TP73: variants seen among roughly 807,000 people sequenced by gnomAD.
The protein encoded by TP73 is p53-like transcription factor.
A neutral mutation model predicts 62.5 loss-of-function variants in TP73; 25 were observed. The ratio of observed to expected loss-of-function variants is 0.40; its 90% CI spans 0.29 to 0.56. TP73 has a LOEUF of 0.56. Among genes scored for constraint, TP73 ranks in the 20% least tolerant of loss-of-function variants. The probability of loss-of-function intolerance (pLI) is 0.46; values close to 1 mark genes in which losing one functional copy is unlikely to be tolerated. For synonymous variants in TP73, 423 were observed against 377.5 expected (o/e 1.12, Z -1.40); for missense variants, 754 against 913.3 (o/e 0.83, Z 2.25).
chr1:3,735,065 C>T lies in TP73; in HGVS notation c.*1986C>T, dbSNP rs895994143. ...CGCAGCCACCCCAGCTGCATGTCAC[C>T]TCAGCTCTCCATCTTATTGCCATTT... On this transcript the variant is annotated 3_prime_UTR_variant, in exon 14 of 14. Coordinates refer to ENST00000378295, the MANE Select transcript of TP73 (RefSeq NM_005427.4). 2 of 152,306 alleles carry T rather than the reference C, an allele frequency of 1.3e-5. No individual in the cohort carries two copies. The highest frequency in any genetic ancestry group is 2.9e-5 in the Non-Finnish European group (2 of 68,160). 9.4% of individuals were successfully genotyped at this position (152,306 alleles called of 1,614,324 possible).
intron 4 of TP73, 61 bp downstream of exon 4, chr1:3,707,852 C>A (rs771146517): frequency 6.4e-7 from 1 of 1,560,282 alleles, no homozygotes; most frequent in South Asian, 1.2e-5. Flanking sequence ...GAGGAGGTGG[C>A]TGCGTTCCCC....
chr1:3,714,641 G>A lies in TP73; in HGVS notation c.429+6850G>A, dbSNP rs773437056. On this transcript the variant is annotated intron_variant, in intron 4 of 13. Transcript: ENST00000378295. ...GGAGAGGCCAGGCTACTGGCAACGGGCCCTCCAGCTGGCGCTGTCAAAAAG... is the reference window on the plus strand; with the variant it reads ...GGAGAGGCCAGGCTACTGGCAACGGACCCTCCAGCTGGCGCTGTCAAAAAG... Among the ~76,000 whole-genome samples the A allele has an allele frequency of 2.0e-5, 3 of 152,398 alleles. No homozygotes were observed. In the East Asian group the frequency reaches 5.8e-4, roughly 29 times the overall value.
At chr1:3,732,316 C>T (rs1642194406) in intron 13 of TP73, among the ~76,000 whole-genome samples, 1 of 152,242 alleles carries the variant, frequency 6.6e-6, no homozygotes, top group African/African-American at 2.4e-5. Context: ...GCCCTCCCCG[C>T]AACCTGTCCC....
intron 10 of TP73, chr1:3,729,651 G>A (rs747841306): frequency 6.5e-6 from 6 of 926,138 alleles, no homozygotes; most frequent in Admixed American, 1.8e-5. Context: ...CCTGGGTCAT[G>A]GCCCTTGCTA....
At chr1:3,708,953 C>A (rs147069070) in intron 4 of TP73, among the ~76,000 whole-genome samples, 1 of 152,228 alleles carries the variant, frequency 6.6e-6, no homozygotes, top group African/African-American at 2.4e-5. Context: ...CACCCCCTGT[C>A]GGGAGTGCTG....
intron 3 of TP73, among the ~76,000 whole-genome samples, chr1:3,684,430 C>A (rs1230414679): frequency 6.6e-6 from 1 of 152,184 alleles, no homozygotes; most frequent in African/African-American, 2.4e-5. Context: ...TCCCTCAAGT[C>A]CCCATTCCAG....
At chr1:3,726,443 G>C (rs1641617176) in intron 6 of TP73, among the ~76,000 whole-genome samples, 1 of 143,118 alleles carries the variant, frequency 7.0e-6, no homozygotes, top group African/African-American at 2.8e-5. Flanking sequence ...GTGGACGTGT[G>C]GGTGGGTGGA....
chr1:3,684,692 G>A (rs891189621), intron 3 of TP73, among the ~76,000 whole-genome samples: 16 of 152,212 alleles, frequency 1.1e-4, no homozygotes, highest in African/African-American at 3.6e-4. Flanking sequence ...CCACAGTCCC[G>A]GGGGGTCAAT....
At chr1:3,705,609 G>A (rs1157745705) in intron 3 of TP73, among the ~76,000 whole-genome samples, 14 of 152,246 alleles carry the variant, frequency 9.2e-5, no homozygotes, top group Non-Finnish European at 1.9e-4. Flanking sequence ...GGCTGTCCTG[G>A]GCTGGAGCAC....
Position 3,727,150 on chromosome 1 carries a change from C to T in TP73, c.768C>T (p.Phe256=). Reference sequence around the variant, plus strand: ...AATTCACCACCATCCTGTACAACTTCATGTGTAACAGCAGCTGTGTAGGGG... The same window carrying T: ...AATTCACCACCATCCTGTACAACTTTATGTGTAACAGCAGCTGTGTAGGGG... The part of the protein sequence containing the change: ...GTEFTTILYN[F]MCNSSCVGGM... The change falls in exon 7 of 14, where the codon TTC becomes TTT. Residue 256 remains phenylalanine (F), a synonymous_variant. Transcript: ENST00000378295. The T allele has an allele frequency of 1.2e-6, 2 of 1,612,186 alleles. No homozygotes were observed. The highest frequency in any genetic ancestry group is 1.7e-6 in the Non-Finnish European group (2 of 1,179,586).
chr1:3,726,692 ATGGT>A (rs1285157993), intron 6 of TP73, among the ~76,000 whole-genome samples: 12 of 107,568 alleles, frequency 1.1e-4, no homozygotes, highest in Non-Finnish European at 2.0e-4. Context: ...GGGTGGATGG[ATGGT>A]TGGATGGGGT....
At chr1:3,671,226 C>T (rs992868925) in intron 1 of TP73, among the ~76,000 whole-genome samples, 2 of 152,096 alleles carry the variant, frequency 1.3e-5, no homozygotes, top group African/African-American at 4.8e-5. Flanking sequence ...CCTGGAGAGG[C>T]GTGGGGTGTG....
intron 3 of TP73, among the ~76,000 whole-genome samples, chr1:3,706,761 G>A (rs12564843): frequency 2.2e-4 from 34 of 151,986 alleles, no homozygotes; most frequent in African/African-American, 7.7e-4. Context: ...GTCCCGGGGC[G>A]CCACAGACGG....
chr1:3,713,728 C>A (rs1364353975), intron 4 of TP73, among the ~76,000 whole-genome samples: 1 of 152,162 alleles, frequency 6.6e-6, no homozygotes, highest in Non-Finnish European at 1.5e-5. Context: ...GGGGGACAGA[C>A]AATTCCAGGG....
At chr1:3,706,813 GT>G (rs932946757) in intron 3 of TP73, among the ~76,000 whole-genome samples, 1 of 152,194 alleles carries the variant, frequency 6.6e-6, no homozygotes, top group Admixed American at 6.5e-5. Flanking sequence ...GTTCCTTGGT[GT>G]GTGGTCCTGG....
intron 3 of TP73, among the ~76,000 whole-genome samples, chr1:3,685,445 A>G (rs1315583030): frequency 6.6e-6 from 1 of 152,222 alleles, no homozygotes; most frequent in African/African-American, 2.4e-5. Flanking sequence ...TCCTAGGTGC[A>G]CAGCTCGACT....
In TP73 at chr1:3,665,657, CTT is replaced by C. The variant is rs58949374; in HGVS notation, c.-34+13031_-34+13032del. ...AGGTCCTTTGGTTTGTCTCTCTTTT[CTT>C]TTTTTTTTTTTTTTAGACAATTTCT... On this transcript the variant is annotated intron_variant, in intron 1 of 13. Coordinates refer to ENST00000378295, the MANE Select transcript of TP73 (RefSeq NM_005427.4). 2.3e-3 allele frequency among the ~76,000 whole-genome samples: 311 copies of C among 137,556 alleles called. 1 individual carries two copies. Among genetic ancestry groups the C allele is most frequent in the African/African-American group, 2.8e-3 (103 of 36,780 alleles). The allele number at this position is 137,556 out of a possible 152,430, so 90.2% of individuals were successfully genotyped here.
chr1:3,730,205 G>A (rs953905512), intron 11 of TP73, 57 bp downstream of exon 11: 53 of 1,456,562 alleles, frequency 3.6e-5, no homozygotes, highest in Non-Finnish European at 4.2e-5. Context: ...CACTGGGGGC[G>A]CCTAGCTCAG....
intron 3 of TP73, among the ~76,000 whole-genome samples, chr1:3,703,793 C>A (rs755252914): frequency 6.6e-6 from 1 of 152,218 alleles, no homozygotes; most frequent in Non-Finnish European, 1.5e-5. Context: ...TCATCCTGAC[C>A]TGAGAAGCCT....
Sources: allele counts gnomAD v4.1 joint callset (sites outside exome capture counted in the v4.1 genomes callset), GRCh38; gene constraint gnomAD v4.1.1; transcripts MANE v1.5; gene names NCBI Gene and HGNC (gene_info 2026-07-23, HGNC 2026-07-21).